DST: variants seen among roughly 807,000 people sequenced by gnomAD.
The protein encoded by DST is dystonin.
Under a neutral mutation model 875.2 loss-of-function variants are expected in DST, and 253 were observed. The ratio of observed to expected loss-of-function variants is 0.29; its 90% CI spans 0.26 to 0.32. The LOEUF (loss-of-function observed/expected upper bound fraction) is 0.32, where lower values mean the gene tolerates loss of function less well. Ranked by LOEUF, DST falls within the 10% of genes least tolerant of loss-of-function variation. DST has a pLI of 1.00. For synonymous variants in DST, 3,124 were observed against 3,197.1 expected (o/e 0.98, Z 0.77); for missense variants, 8,287 against 9,111.6 (o/e 0.91, Z 3.68).
At chr6:56,484,547 GA>G (rs578169273) in intron 88 of DST, 22 of 152,238 alleles carry the variant, frequency 1.4e-4, no homozygotes, top group Non-Finnish European at 2.4e-4. Context: ...AATACAAGAT[GA>G]ATTTAAGTAG....
rs1013076961 is a variant in DST, at chr6:56,618,420, T to C, written c.4930-3936A>G. On this transcript the variant is annotated intron_variant, in intron 36 of 103. Transcript: ENST00000680361. ...GGTTTGAAGGTACAGTCTTTGGCTG[T>C]GCTCTTTTTTTGAATTTCACACTGG... 2.5e-6 allele frequency: 4 copies of C among 1,614,218 alleles called. No individual in the cohort carries two copies. The South Asian group carries it at 4.4e-5, about 18-fold the overall frequency.
chr6:56,893,562 CTTTTTTTTTT>C (rs1282483681), intron 3 of DST, among the ~76,000 whole-genome samples: 11 of 35,912 alleles, frequency 3.1e-4, no homozygotes, highest in Non-Finnish European at 5.6e-4. Flanking sequence ...ACTTTTAGTT[CTTTTTTTTTT>C]TTTTTTTTTT....
chr6:56,608,931 C>T lies in DST; in HGVS notation c.5697G>A (p.Gln1899=), dbSNP rs1554484245. Residue 1899 remains glutamine (Q), a synonymous_variant, in exon 40 of 104, where the codon CAG becomes CAA. Coordinates refer to ENST00000680361, the MANE Select transcript of DST (RefSeq NM_001374736.1). ...EQLTLQKAFQ[Q]NLVSSALFSK... is the part of the protein sequence containing the mutation. ...AAAATAATGCTGAGGAAACCAAGTT[C>T]TGTTGGAAAGCCTTCTGTAGGGTCA... 3.1e-6 allele frequency: 5 copies of T among 1,613,666 alleles called. No homozygotes were observed. The South Asian group carries it at 3.3e-5, about 11-fold the overall frequency.
intron 3 of DST, among the ~76,000 whole-genome samples, chr6:56,887,500 G>GA (rs1785159766): frequency 5.9e-5 from 9 of 152,168 alleles, no homozygotes; most frequent in Admixed American, 5.9e-4. Context: ...GGTTAGAGGT[G>GA]AAATAATAAA....
intron 4 of DST, 77 bp downstream of exon 4, chr6:56,851,320 T>A: frequency 1.5e-6 from 2 of 1,356,366 alleles, no homozygotes; most frequent in Non-Finnish European, 2.0e-6. Flanking sequence ...GCTCCCGCTA[T>A]GGCCCCCCAG....
rs2098592675 is a variant in DST at position 56,614,483 on chromosome 6, TTC to T, written c.4930-1_4930del. On this transcript the variant is annotated splice_acceptor_variant and coding_sequence_variant, in exon 37 of 104. Coordinates refer to ENST00000680361, the MANE Select transcript of DST (RefSeq NM_001374736.1). LOFTEE classifies it high-confidence loss of function. ...TTCTTTCTTTTCTTCTTCCAGTGAC[TTC>T]TGACAGTTGTGAGCGGTAAGAAAAA... 3 of 1,602,820 alleles carry T rather than the reference TTC, an allele frequency of 1.9e-6. No homozygotes were observed. The African/African-American group carries it at 4.0e-5, about 22-fold the overall frequency.
Position 56,661,365 on chromosome 6 carries a change from G to C in DST, c.1214+9276C>G, listed in dbSNP as rs149785404. On this transcript the variant is annotated intron_variant, in intron 10 of 103. Coordinates refer to ENST00000680361, the MANE Select transcript of DST (RefSeq NM_001374736.1). ...AAATCTTCATGTGAGAGAAAGGTAA[G>C]AGAATGCTAAAGGGAAACATGACAA... Among the ~76,000 whole-genome samples, 1,234 of 152,302 alleles carry C rather than the reference G, an allele frequency of 8.1e-3. 10 individuals carry two copies. The highest frequency in any genetic ancestry group is 0.014 in the Non-Finnish European group (927 of 68,024).
intron 32 of DST, among the ~76,000 whole-genome samples, chr6:56,628,741 A>G (rs1179386254): frequency 6.6e-6 from 1 of 152,232 alleles, no homozygotes; most frequent in African/African-American, 2.4e-5. Context: ...CACGAAAGTG[A>G]ATGAGAAAGG....
intron 4 of DST, among the ~76,000 whole-genome samples, chr6:56,803,441 GA>G (rs879483316): frequency 6.6e-6 from 1 of 151,146 alleles, no homozygotes; most frequent in African/African-American, 2.4e-5. Context: ...TGCAAAATAT[GA>G]AAAAAAACAA....
At chr6:56,470,979 G>A in intron 95 of DST, 127 bp downstream of exon 95, 5 of 1,016,930 alleles carry the variant, frequency 4.9e-6, no homozygotes, top group African/African-American at 3.3e-5. Flanking sequence ...TTTAAGGGTC[G>A]TGACTTCCTA....
chr6:56,506,853 C>T, intron 75 of DST, 64 bp from the exon 76 acceptor site: 2 of 1,515,788 alleles, frequency 1.3e-6, no homozygotes, highest in Non-Finnish European at 1.8e-6. Flanking sequence ...TTAAAAAGTA[C>T]ACAACAATAT....
intron 15 of DST, chr6:56,642,832 G>C: frequency 1.2e-6 from 2 of 1,611,848 alleles, no homozygotes; most frequent in Non-Finnish European, 1.7e-6. Flanking sequence ...TTTCAAAGTA[G>C]ACTAAAAGGT....
intron 53 of DST, among the ~76,000 whole-genome samples, chr6:56,571,062 C>G (rs1045021333): frequency 6.6e-6 from 1 of 152,156 alleles, no homozygotes; most frequent in Non-Finnish European, 1.5e-5. Context: ...ATGTGTGCCT[C>G]CCCTACAGAG....
In DST at chr6:56,631,378, T is replaced by C. The variant is rs1353193529; in HGVS notation, c.3975A>G (p.Lys1325=). The C allele has an allele frequency of 1.2e-6, 2 of 1,613,684 alleles. No homozygotes were observed. The highest frequency in any genetic ancestry group is 2.7e-5 in the African/African-American group (2 of 74,932). The change falls in exon 30 of 104, where the codon AAA becomes AAG. Residue 1325 remains lysine, a synonymous_variant. Transcript: ENST00000680361. The stretch of plus-strand genomic sequence containing the variant: ...AATCATCTTTAAGTCGTTCCAGCTC[T>C]TTCTTTAGTTTCTATAAAACAGAGA... The part of the protein sequence containing the change: ...FRITEQEKLK[K]ELERLKDDLG...
chr6:56,846,802 G>C (rs557857997), intron 4 of DST, among the ~76,000 whole-genome samples: 1 of 151,810 alleles, frequency 6.6e-6, no homozygotes, highest in Non-Finnish European at 1.5e-5. Flanking sequence ...CCAGGAGTTC[G>C]AAACTAGCCT....
intron 34 of DST, among the ~76,000 whole-genome samples, chr6:56,625,972 T>TAAAAAAAAAA (rs76788667): frequency 4.0e-5 from 3 of 74,960 alleles, no homozygotes; most frequent in African/African-American, 1.1e-4. Flanking sequence ...GTTTAAAAAG[T>TAAAAAAAAAA]AAAAAAAAAA....
At position 56,631,948 on chromosome 6, in the gene DST, G is replaced by C; in HGVS notation, c.3898C>G (p.Gln1300Glu). The C allele has an allele frequency of 6.2e-7, 1 of 1,613,834 alleles. No individual in the cohort carries two copies. Among genetic ancestry groups the C allele is most frequent in the Non-Finnish European group, 8.5e-7 (1 of 1,179,790 alleles). The change falls in exon 29 of 104, where the codon CAG (glutamine) becomes GAG (glutamate). Residue 1300 changes from glutamine to glutamate, a missense_variant. Gln to Glu is a conservative substitution (Grantham distance 29). Coordinates refer to ENST00000680361, the MANE Select transcript of DST (RefSeq NM_001374736.1). ...TCTCTTTCCAGGGGAGTTCGAATCT[G>C]TCTAATCAGCCGATCTTCACAGTTC... The part of the protein sequence containing the change: ...LENCEDRLIR[Q>E]IRTPLERDDL...
chr6:56,603,223 A>C lies in DST; in HGVS notation c.11139T>G (p.Leu3713=), dbSNP rs191101389. ...VSSERTKQIM[L]AIDSEMSKLA... is the part of the protein sequence containing the mutation. ...TGCCTACCATTTCAGAGTCGATCGC[A>C]AGCATGATCTGTTTCGTTCTTTCTG... The change falls in exon 42 of 104, where the codon CTT becomes CTG. Residue 3713 remains leucine (L), a synonymous_variant. Transcript: ENST00000680361. 1,006 of 1,603,820 alleles carry C rather than the reference A, an allele frequency of 6.3e-4. 8 individuals carry two copies. Among genetic ancestry groups the C allele is most frequent in the Middle Eastern group, 5.8e-3 (35 of 6,046 alleles).
intron 61 of DST, among the ~76,000 whole-genome samples, 191 bp downstream of exon 61, chr6:56,551,993 G>C (rs934794302): frequency 1.3e-5 from 2 of 152,120 alleles, no homozygotes; most frequent in Admixed American, 1.3e-4. Context: ...ATCCCACAAA[G>C]GCCCAAATCC....
Sources: allele counts gnomAD v4.1 joint callset (sites outside exome capture counted in the v4.1 genomes callset), GRCh38; gene constraint gnomAD v4.1.1; transcripts MANE v1.5; gene names NCBI Gene and HGNC (gene_info 2026-07-23, HGNC 2026-07-21).